DST: variants seen among roughly 807,000 people sequenced by gnomAD.
The protein encoded by DST is bullous pemphigoid antigen.
In DST, 253 loss-of-function variants were observed where a neutral mutation model predicts 875.2. That is an observed-to-expected ratio of 0.29 (90% CI 0.26 to 0.32). The LOEUF (loss-of-function observed/expected upper bound fraction) is 0.32. Among genes scored for constraint, DST ranks in the 10% least tolerant of loss-of-function variants. The pLI, the probability that DST is intolerant of heterozygous loss-of-function variation, is 1.00. For missense variants in DST, 8,287 were observed against 9,111.6 expected, an observed-to-expected ratio of 0.91 and a Z score of 3.68; for synonymous variants, 3,124 against 3,197.1, an observed-to-expected ratio of 0.98 and a Z score of 0.77.
intron 2 of DST, among the ~76,000 whole-genome samples, chr6:56,903,909 C>G (rs553889456): frequency 6.6e-6 from 1 of 152,178 alleles, no homozygotes; most frequent in Non-Finnish European, 1.5e-5. Flanking sequence ...TTTATAAGCA[C>G]TGTGGTATAC....
intron 3 of DST, among the ~76,000 whole-genome samples, chr6:56,894,556 A>G (rs1288918038): frequency 1.6e-3 from 76 of 47,188 alleles, no homozygotes; most frequent in East Asian, 2.7e-3. Flanking sequence ...TCCCTCCTGG[A>G]CGGGGCGGCT....
At chr6:56,526,826 A>G (rs769701317) in intron 68 of DST, among the ~76,000 whole-genome samples, 2 of 152,198 alleles carry the variant, frequency 1.3e-5, no homozygotes, top group African/African-American at 2.4e-5. Context: ...TAATATAAAT[A>G]TTTAAAATTT....
At chr6:56,702,879 C>T (rs116710190) in intron 7 of DST, among the ~76,000 whole-genome samples, 2,574 of 152,186 alleles carry the variant, frequency 0.017, 48 homozygotes, top group Non-Finnish European at 0.023. Context: ...GCCAAAGGTG[C>T]CATAAGAAAA....
At chr6:56,933,807 C>T (rs554183762) in intron 2 of DST, among the ~76,000 whole-genome samples, 3 of 151,970 alleles carry the variant, frequency 2.0e-5, no homozygotes, top group African/African-American at 7.2e-5. Context: ...CTGTAAGCAA[C>T]GGGAAGCCAT....
intron 3 of DST, among the ~76,000 whole-genome samples, chr6:56,886,417 A>T (rs1291334199): frequency 2.6e-5 from 4 of 152,226 alleles, no homozygotes; most frequent in Non-Finnish European, 5.9e-5. Flanking sequence ...GGAGATAATG[A>T]ATATGAGCAG....
chr6:56,843,114 A>G, intron 4 of DST: 5 of 1,574,762 alleles, frequency 3.2e-6, no homozygotes, highest in South Asian at 1.2e-5. Flanking sequence ...CTCCACGTAC[A>G]GGTAAGCAGC....
intron 3 of DST, among the ~76,000 whole-genome samples, chr6:56,857,883 A>G (rs1236781114): frequency 6.6e-6 from 1 of 152,246 alleles, no homozygotes; most frequent in Non-Finnish European, 1.5e-5. Context: ...CCACAAATAA[A>G]TAGATGTAGA....
intron 3 of DST, among the ~76,000 whole-genome samples, chr6:56,864,778 T>A (rs1267494118): frequency 6.6e-6 from 1 of 152,210 alleles, no homozygotes. Flanking sequence ...AAACTAGATA[T>A]CGAGTACTTA....
In DST at chr6:56,517,506, G is replaced by C. The variant is rs1463234518; in HGVS notation, c.18244C>G (p.Gln6082Glu). The part of the protein sequence containing the change: ...QDQTSAQLQV[Q>E]KTFTMEILRH... Reference sequence around the variant, plus strand: ...TTGGAAATGTATTTCTTCACCTTTTGAACTTGAAGCTGAGCAGAAGTCTGG... The same window carrying C: ...TTGGAAATGTATTTCTTCACCTTTTCAACTTGAAGCTGAGCAGAAGTCTGG... The change falls in exon 70 of 104, where the codon CAA becomes GAA. Residue 6082 changes from glutamine to glutamate, a missense_variant. Transcript: ENST00000680361. The C allele has an allele frequency of 4.3e-6, 7 of 1,612,186 alleles. No homozygotes were observed. The highest frequency in any genetic ancestry group is 5.9e-6 in the Non-Finnish European group (7 of 1,179,220).
chr6:56,693,534 G>C (rs1027080889), intron 9 of DST: 1 of 372,550 alleles, frequency 2.7e-6, no homozygotes, highest in African/African-American at 2.2e-5. Flanking sequence ...AATGAAGTTT[G>C]CACTTAACCT....
At chr6:56,599,764 T>C (rs1277989018) in intron 45 of DST, among the ~76,000 whole-genome samples, 1 of 152,046 alleles carries the variant, frequency 6.6e-6, no homozygotes, top group South Asian at 2.1e-4. Flanking sequence ...AGTAAGTAGG[T>C]TGGCCTTAAA....
intron 4 of DST, among the ~76,000 whole-genome samples, chr6:56,753,963 G>GTT (rs2099595322): frequency 6.6e-6 from 1 of 152,162 alleles, no homozygotes; most frequent in Non-Finnish European, 1.5e-5. Flanking sequence ...AATGTCCATG[G>GTT]TTCCAAAATG....
chr6:56,556,714 G>A (rs1402409469), intron 59 of DST, among the ~76,000 whole-genome samples: 1 of 152,168 alleles, frequency 6.6e-6, no homozygotes, highest in Admixed American at 6.5e-5. Context: ...ATGCCTGACT[G>A]TAAAACATTA....
rs947658246 is a variant in DST at position 56,648,656 on chromosome 6, T to C, written c.1468A>G (p.Met490Val). ...VEVKWIEYQNMVNYLIQWIRH... is the reference protein window; with the variant it reads ...VEVKWIEYQNVVNYLIQWIRH... ...ATCCATTGGATGAGGTAGTTCACCATATTCTGGTATTCAATCCATTTGACT... is the reference window on the plus strand; with the variant it reads ...ATCCATTGGATGAGGTAGTTCACCACATTCTGGTATTCAATCCATTTGACT... The change falls in exon 13 of 104, where the codon ATG becomes GTG. Residue 490 changes from methionine (M) to valine (V), a missense_variant. By Grantham distance (21) the Met-to-Val change is conservative. Coordinates refer to ENST00000680361, the MANE Select transcript of DST (RefSeq NM_001374736.1). 37 of 1,581,516 alleles carry C rather than the reference T, an allele frequency of 2.3e-5. No individual in the cohort carries two copies. Among genetic ancestry groups the C allele is most frequent in the Non-Finnish European group, 2.8e-5 (33 of 1,161,216 alleles).
At chr6:56,618,963 A>T in intron 36 of DST, 1 of 1,613,310 alleles carries the variant, frequency 6.2e-7, no homozygotes, top group Non-Finnish European at 8.5e-7. Flanking sequence ...TCTTCTTTGG[A>T]AGCATTCAGT....
At chr6:56,560,520 G>GA (rs1453287823) in intron 57 of DST, 97 bp from the exon 58 acceptor site, 40 of 1,306,294 alleles carry the variant, frequency 3.1e-5, no homozygotes, top group Non-Finnish European at 3.6e-5. Flanking sequence ...ATGAAAAGAG[G>GA]AAAAAATCTA....
chr6:56,765,400 A>G (rs2099630894), intron 4 of DST, among the ~76,000 whole-genome samples: 1 of 152,228 alleles, frequency 6.6e-6, no homozygotes, highest in South Asian at 2.1e-4. Context: ...ACTATTCTAG[A>G]ATCATAAGAA....
intron 30 of DST, 125 bp from the exon 31 acceptor site, chr6:56,630,508 A>G: frequency 1.2e-6 from 1 of 858,524 alleles, no homozygotes; most frequent in African/African-American, 1.7e-5. Flanking sequence ...TGATACATTT[A>G]CTATGAAACT....
chr6:56,463,877 A>C, intron 100 of DST, 113 bp from the exon 101 acceptor site: 1 of 1,136,474 alleles, frequency 8.8e-7, no homozygotes, highest in Non-Finnish European at 1.3e-6. Flanking sequence ...TGAGAATTTC[A>C]AGAACATCTT....
Sources: allele counts gnomAD v4.1 joint callset (sites outside exome capture counted in the v4.1 genomes callset), GRCh38; gene constraint gnomAD v4.1.1; transcripts MANE v1.5; gene names NCBI Gene and HGNC (gene_info 2026-07-23, HGNC 2026-07-21).